Variants in SAXO4 observed in about 807,000 individuals in gnomAD.
SAXO4 encodes stabilizer of axonemal microtubules 4.
chr11:61,482,407 C>T, the SAXO4 span: 18,839 of 1,614,034 alleles, frequency 0.012, 1,890 homozygotes, highest in African/African-American at 0.22. Context: ...AGTCTGGAGG[C>T]CTTAGACAAC....
the SAXO4 span, chr11:61,484,657 C>G: frequency 6.2e-7 from 1 of 1,611,270 alleles, no homozygotes; most frequent in Non-Finnish European, 8.5e-7. Context: ...CTGCCGCCCC[C>G]TCACTTGTAA....
the SAXO4 span, chr11:61,482,484 G>C: frequency 4.8e-5 from 75 of 1,576,996 alleles, no homozygotes; most frequent in African/African-American, 8.0e-4. Context: ...ACCAACTCCA[G>C]GTTCCTTGGA....
the SAXO4 span, among the ~76,000 whole-genome samples, chr11:61,483,495 A>G: frequency 6.6e-6 from 1 of 151,896 alleles, no homozygotes; most frequent in African/African-American, 2.4e-5. Flanking sequence ...CCTCATTATT[A>G]CCACCCTTCT....
the SAXO4 span, among the ~76,000 whole-genome samples, chr11:61,488,040 G>A: frequency 6.7e-6 from 1 of 150,184 alleles, no homozygotes; most frequent in Non-Finnish European, 1.5e-5. Context: ...AGGCTGGAGT[G>A]CAATGGCGTG....
chr11:61,490,720 A>G, the SAXO4 span: 3 of 740,286 alleles, frequency 4.1e-6, no homozygotes, highest in Non-Finnish European at 6.9e-6. Context: ...GTGACAGATC[A>G]GGGGGCCTCT....
At chr11:61,489,546 A>G in the SAXO4 span, 3 of 591,564 alleles carry the variant, frequency 5.1e-6, no homozygotes, top group East Asian at 2.8e-5. Flanking sequence ...GGACAGGGGC[A>G]TCACTGAAAC....
At chr11:61,481,895 C>T in the SAXO4 span, 1 of 1,578,970 alleles carries the variant, frequency 6.3e-7, no homozygotes, top group Non-Finnish European at 8.5e-7. Context: ...AAATTCTACG[C>T]CACCAGCTAC....
At chr11:61,482,932 GT>G in the SAXO4 span, 1 of 1,003,636 alleles carries the variant, frequency 1.0e-6, no homozygotes, top group Non-Finnish European at 1.4e-6. Context: ...TAGGGATGGG[GT>G]CCACTCATCT....
chr11:61,484,253 A>G, the SAXO4 span, among the ~76,000 whole-genome samples: 1 of 152,204 alleles, frequency 6.6e-6, no homozygotes, highest in Admixed American at 6.5e-5. Context: ...AAAAAATGTA[A>G]GTAATAAATA....
the SAXO4 span, chr11:61,482,513 C>G: frequency 6.4e-7 from 1 of 1,559,058 alleles, no homozygotes; most frequent in Non-Finnish European, 8.8e-7. Context: ...CTGAGCTTTG[C>G]CTGCCCTAGG....
At chr11:61,489,922 G>C in the SAXO4 span, 2 of 1,612,148 alleles carry the variant, frequency 1.2e-6, no homozygotes, top group East Asian at 4.5e-5. Context: ...GAGAGCCTGC[G>C]GCACCTGCAT....
At chr11:61,488,300 C>T in the SAXO4 span, among the ~76,000 whole-genome samples, 22 of 113,472 alleles carry the variant, frequency 1.9e-4, no homozygotes, top group Non-Finnish European at 3.8e-4. Flanking sequence ...AAGTACAATT[C>T]CTTTTTTTTT....
the SAXO4 span, chr11:61,481,761 C>A: frequency 9.2e-7 from 1 of 1,092,858 alleles, no homozygotes; most frequent in Non-Finnish European, 1.3e-6. Context: ...ACCCATGAGG[C>A]TCCCCGTGCT....
At chr11:61,486,699 G>C in the SAXO4 span, 1 of 1,282,518 alleles carries the variant, frequency 7.8e-7, no homozygotes, top group Non-Finnish European at 1.1e-6. Context: ...ATTGAAGAAT[G>C]AGAAGAATTA....
the SAXO4 span, chr11:61,482,692 C>T: frequency 6.2e-7 from 1 of 1,614,096 alleles, no homozygotes; most frequent in Non-Finnish European, 8.5e-7. Flanking sequence ...TGTGGCCAGC[C>T]AGAGCTACCG....
chr11:61,482,400 C>G, the SAXO4 span: 58 of 1,614,180 alleles, frequency 3.6e-5, 1 homozygote, highest in South Asian at 6.1e-4. Context: ...CCAAGCCAGT[C>G]TGGAGGCCTT....
At chr11:61,485,575 C>A in the SAXO4 span, among the ~76,000 whole-genome samples, 2 of 152,190 alleles carry the variant, frequency 1.3e-5, no homozygotes, top group African/African-American at 4.8e-5. Context: ...GTACCTTGGG[C>A]CTCTCAGGAG....
the SAXO4 span, chr11:61,489,587 C>T: frequency 1.3e-5 from 8 of 620,616 alleles, no homozygotes; most frequent in South Asian, 1.9e-5. Context: ...AGTGTTTCAG[C>T]GTCAGGTGGA....
chr11:61,484,159 A>T, the SAXO4 span, among the ~76,000 whole-genome samples: 8 of 152,278 alleles, frequency 5.3e-5, no homozygotes, highest in East Asian at 5.8e-4. Flanking sequence ...ACAAGAATTG[A>T]TTGAACTCAG....
Sources: allele counts gnomAD v4.1 joint callset (sites outside exome capture counted in the v4.1 genomes callset), GRCh38; gene constraint gnomAD v4.1.1; transcripts MANE v1.5; gene names NCBI Gene and HGNC (gene_info 2026-07-23, HGNC 2026-07-21).